NBAS: variants seen among roughly 807,000 people sequenced by gnomAD.
The protein encoded by NBAS is NBAS subunit of NRZ tethering complex, also known as NAG/BC035112 fusion.
Under a neutral mutation model 302.5 loss-of-function variants are expected in NBAS, and 219 were observed. The ratio of observed to expected loss-of-function variants is 0.72; its 90% CI spans 0.65 to 0.81. The LOEUF (loss-of-function observed/expected upper bound fraction) is 0.81, where lower values mean the gene tolerates loss of function less well. Among genes scored for constraint, NBAS ranks in the 30% least tolerant of loss-of-function variants. The pLI, the probability that NBAS is intolerant of heterozygous loss-of-function variation, is 0.00. For missense variants in NBAS, 2,932 were observed against 2,841.6 expected (o/e 1.03, Z -0.72); for synonymous variants, 1,118 against 1,021.6 (o/e 1.09, Z -1.80).
the NBAS span, among the ~76,000 whole-genome samples, chr2:15,059,947 TAAAAA>T: frequency 2.0e-5 from 1 of 50,074 alleles, no homozygotes. Context: ...GCAGTGCTGC[TAAAAA>T]AAAAAAAAAA....
intron 24 of NBAS, among the ~76,000 whole-genome samples, 186 bp from the exon 25 acceptor site, chr2:15,415,905 G>C (rs1000362173): frequency 6.6e-6 from 1 of 152,136 alleles, no homozygotes; most frequent in Non-Finnish European, 1.5e-5. Flanking sequence ...GCAGGAAAAT[G>C]AATCACCTGC....
chr2:15,352,006 T>C lies in NBAS; in HGVS notation c.4165A>G (p.Lys1389Glu), dbSNP rs767891487. Residue 1389 changes from lysine (K) to glutamate (E), a missense_variant, in exon 35 of 52, where the codon AAA becomes GAA. By Grantham distance (56) the Lys-to-Glu change is moderately conservative. Coordinates refer to ENST00000281513, the MANE Select transcript of NBAS (RefSeq NM_015909.4). Reference protein sequence around the residue: ...ENISASPLTSKAVQEDEVGVP... With the variant: ...ENISASPLTSEAVQEDEVGVP... ...TTTTAACTTACCTCTTGTACTGCTT[T>C]ACTAGTTAATGGTGAAGCACTGATA... is the stretch of plus-strand genomic sequence containing the variant. The C allele has an allele frequency of 2.8e-5, 45 of 1,609,078 alleles. No individual in the cohort carries two copies. Among genetic ancestry groups the C allele is most frequent in the Non-Finnish European group, 3.6e-5 (42 of 1,175,684 alleles).
the NBAS span, among the ~76,000 whole-genome samples, chr2:14,819,699 G>A: frequency 6.6e-6 from 1 of 152,148 alleles, no homozygotes; most frequent in Non-Finnish European, 1.5e-5. Context: ...ACACAGCAAA[G>A]GTTACAATCA....
the NBAS span, among the ~76,000 whole-genome samples, chr2:15,016,483 G>T: frequency 3.9e-5 from 6 of 151,928 alleles, no homozygotes; most frequent in Non-Finnish European, 7.4e-5. Context: ...GACTATAAAA[G>T]AATGGAAAGA....
chr2:14,789,965 C>A, the NBAS span, among the ~76,000 whole-genome samples: 1 of 152,204 alleles, frequency 6.6e-6, no homozygotes, highest in African/African-American at 2.4e-5. Flanking sequence ...TAAGCTAAAG[C>A]TGAGCCATCC....
At chr2:14,800,241 A>C in the NBAS span, among the ~76,000 whole-genome samples, 1 of 152,290 alleles carries the variant, frequency 6.6e-6, no homozygotes, top group East Asian at 1.9e-4. Context: ...GTTGAAGGAG[A>C]ACCTCGTGGG....
intron 30 of NBAS, among the ~76,000 whole-genome samples, chr2:15,376,253 A>T (rs1177644489): frequency 1.3e-5 from 2 of 151,206 alleles, no homozygotes; most frequent in African/African-American, 2.5e-5. Flanking sequence ...CACAGGTCAC[A>T]ATCAGTTTGG....
At chr2:15,368,059 A>G (rs891538990) in intron 31 of NBAS, among the ~76,000 whole-genome samples, 3 of 152,226 alleles carry the variant, frequency 2.0e-5, no homozygotes, top group South Asian at 4.1e-4. Context: ...GCATATATAC[A>G]CAAATAGTTA....
chr2:14,900,112 C>CTTTTTTTTTTT, the NBAS span, among the ~76,000 whole-genome samples: 6 of 140,644 alleles, frequency 4.3e-5, no homozygotes, highest in African/African-American at 7.8e-5. Flanking sequence ...AAGTCACATG[C>CTTTTTTTTTTT]TTTTTTTTTT....
chr2:15,406,522 T>G (rs948602494), intron 25 of NBAS, among the ~76,000 whole-genome samples: 5 of 152,156 alleles, frequency 3.3e-5, no homozygotes, highest in Admixed American at 3.3e-4. Flanking sequence ...CAACTATTAC[T>G]CAAAATACAG....
chr2:15,003,046 G>C, the NBAS span, among the ~76,000 whole-genome samples: 1 of 152,274 alleles, frequency 6.6e-6, no homozygotes. Context: ...AGGCAGAGAA[G>C]GCGCCGAGAG....
chr2:15,245,062 CTG>C (rs1407654591), intron 44 of NBAS, among the ~76,000 whole-genome samples: 1 of 152,164 alleles, frequency 6.6e-6, no homozygotes, highest in Non-Finnish European at 1.5e-5. Context: ...CACTGTGACT[CTG>C]GGGTTGCTTT....
At chr2:15,028,300 G>A in the NBAS span, among the ~76,000 whole-genome samples, 371 of 152,190 alleles carry the variant, frequency 2.4e-3, no homozygotes, top group African/African-American at 7.8e-3. Context: ...AAGGGCTAGC[G>A]CCTGCTTTAC....
chr2:15,342,138 T>C (rs532385158), intron 35 of NBAS, among the ~76,000 whole-genome samples: 38 of 152,290 alleles, frequency 2.5e-4, no homozygotes, highest in African/African-American at 9.1e-4. Context: ...CAGGAGCCCA[T>C]TTCTACCATT....
At chr2:15,100,247 GAC>G in the NBAS span, among the ~76,000 whole-genome samples, 1 of 152,102 alleles carries the variant, frequency 6.6e-6, no homozygotes, top group Admixed American at 6.6e-5. Flanking sequence ...TATTGAAGAA[GAC>G]ACAGTCTTAA....
chr2:14,918,551 T>C, the NBAS span, among the ~76,000 whole-genome samples: 1 of 152,230 alleles, frequency 6.6e-6, no homozygotes, highest in Non-Finnish European at 1.5e-5. Context: ...AGGATCATTT[T>C]CATGTCTAGA....
At chr2:15,529,815 T>C (rs6710456) in intron 9 of NBAS, among the ~76,000 whole-genome samples, 79,909 of 152,084 alleles carry the variant, frequency 0.53, 23,733 homozygotes, top group Non-Finnish European at 0.67. Flanking sequence ...ATATTAACCA[T>C]TGAAAGGCCA....
intron 38 of NBAS, among the ~76,000 whole-genome samples, chr2:15,327,359 C>T (rs1672118816): frequency 6.6e-6 from 1 of 152,108 alleles, no homozygotes; most frequent in African/African-American, 2.4e-5. Context: ...TCAAAAATTT[C>T]CACATGGAAA....
chr2:14,860,760 C>T, the NBAS span, among the ~76,000 whole-genome samples: 22 of 151,970 alleles, frequency 1.4e-4, no homozygotes, highest in Non-Finnish European at 2.2e-4. Flanking sequence ...AGAAGTAAGA[C>T]GTGGTGTTTG....
Sources: allele counts gnomAD v4.1 joint callset (sites outside exome capture counted in the v4.1 genomes callset), GRCh38; gene constraint gnomAD v4.1.1; transcripts MANE v1.5; gene names NCBI Gene and HGNC (gene_info 2026-07-23, HGNC 2026-07-21).